GABRA3: variants seen among roughly 807,000 people sequenced by gnomAD.
GABRA3 encodes gamma-aminobutyric acid receptor subunit alpha-3.
A neutral mutation model predicts 30.1 loss-of-function variants in GABRA3; 10 were observed. That is an observed-to-expected ratio of 0.33 (90% confidence interval 0.20 to 0.56). The LOEUF is 0.56. Ranked by LOEUF, GABRA3 falls within the 20% of genes least tolerant of loss-of-function variation. The pLI is 0.89. For missense variants in GABRA3, 233 were observed against 392.0 expected (o/e 0.59, Z 3.42); for synonymous variants, 151 against 146.8 (o/e 1.03, Z -0.21).
At chrX:152,399,239 A>C (rs2124521158) in intron 1 of GABRA3, among the ~76,000 whole-genome samples, 1 of 111,780 alleles carries the variant, frequency 8.9e-6, no homozygotes, top group Admixed American at 9.5e-5. Flanking sequence ...GTTCTCAGAA[A>C]ATATTTTACA....
In GABRA3 at chrX:152,192,558, GTCT is replaced by G. The variant is rs1002838281; in HGVS notation, c.932-2620_932-2618del. Among the ~76,000 whole-genome samples, 3 of 110,880 alleles carry G rather than the reference GTCT, an allele frequency of 2.7e-5. No individual in the cohort carries two copies. The Admixed American group carries it at 2.9e-4, about 11-fold the overall frequency. Reference sequence around the variant, plus strand: ...TATTATTATTAATGTAGCTCTTATTGTCTTCTTTTCTCCAACACTGCTAACTGT... The same window carrying G: ...TATTATTATTAATGTAGCTCTTATTGTCTTTTCTCCAACACTGCTAACTGT... On this transcript the variant is annotated intron_variant, in intron 8 of 9. Coordinates refer to ENST00000370314, the MANE Select transcript of GABRA3 (RefSeq NM_000808.4).
intron 3 of GABRA3, among the ~76,000 whole-genome samples, chrX:152,301,514 A>G (rs937808936): frequency 9.0e-6 from 1 of 111,260 alleles, no homozygotes; most frequent in Non-Finnish European, 1.9e-5. Flanking sequence ...AAATATTACA[A>G]CCTTGTCCTA....
intron 1 of GABRA3, among the ~76,000 whole-genome samples, chrX:152,416,414 GA>G (rs1930220001): frequency 9.5e-6 from 1 of 104,962 alleles, no homozygotes; most frequent in Non-Finnish European, 2.0e-5. Flanking sequence ...TCATGGGTAG[GA>G]AGAATCAATA....
chrX:152,183,499 A>T lies in GABRA3; in HGVS notation c.1143+6231T>A, dbSNP rs1249787623. Among the ~76,000 whole-genome samples, 3 of 107,405 alleles carry T rather than the reference A, an allele frequency of 2.8e-5. No homozygotes were observed. In the East Asian group the frequency reaches 8.6e-4, roughly 31 times the overall value. The allele number at this position is 107,405 out of a possible 115,157, so 93.3% of individuals were successfully genotyped here. A position where few individuals can be genotyped will look rare whatever the true frequency, so the allele number is the denominator to read the frequency against. ...ATTTTGTTTATCTTTTGAAAAAAAA[A>T]CACATCTTAGTTTTAATGATCTTTT... On this transcript the variant is annotated intron_variant, in intron 9 of 9. Transcript: ENST00000370314.
chrX:152,214,229 G>T (rs1427602096), intron 6 of GABRA3, among the ~76,000 whole-genome samples: 2 of 111,257 alleles, frequency 1.8e-5, no homozygotes, highest in Non-Finnish European at 3.8e-5. Context: ...TTCCATCTAT[G>T]GTGCAGCAGA....
chrX:152,413,624 C>A (rs1226117688), intron 1 of GABRA3, among the ~76,000 whole-genome samples: 5 of 111,018 alleles, frequency 4.5e-5, no homozygotes, highest in Non-Finnish European at 7.6e-5. Flanking sequence ...AAACAACTTG[C>A]AGCAAACTAG....
chrX:152,360,558 GA>G (rs1222170800), intron 2 of GABRA3, among the ~76,000 whole-genome samples: 1 of 48,542 alleles, frequency 2.1e-5, no homozygotes, highest in African/African-American at 7.9e-5. Flanking sequence ...GGGGTCGGGG[GA>G]GGGGGGAGGG....
intron 5 of GABRA3, among the ~76,000 whole-genome samples, chrX:152,229,532 G>C (rs1938026874): frequency 9.0e-6 from 1 of 110,672 alleles, no homozygotes; most frequent in Non-Finnish European, 1.9e-5. Context: ...GAGAGAATGA[G>C]CCTTGTAGAA....
chrX:152,430,582 G>C (rs1341466685), intron 1 of GABRA3, among the ~76,000 whole-genome samples: 1 of 111,189 alleles, frequency 9.0e-6, no homozygotes, highest in African/African-American at 3.3e-5. Flanking sequence ...ATATCTTCAA[G>C]GAATAAAAGC....
intron 4 of GABRA3, among the ~76,000 whole-genome samples, chrX:152,269,956 C>A (rs1938898554): frequency 8.9e-6 from 1 of 111,860 alleles, no homozygotes; most frequent in Non-Finnish European, 1.9e-5. Flanking sequence ...ATATAAGACT[C>A]AAAAGCATGG....
intron 1 of GABRA3, among the ~76,000 whole-genome samples, chrX:152,433,175 A>G (rs1179609952): frequency 2.7e-5 from 3 of 110,904 alleles, no homozygotes; most frequent in Non-Finnish European, 5.7e-5. Context: ...AAAAACCTAG[A>G]GGAAATACCA....
intron 1 of GABRA3, among the ~76,000 whole-genome samples, chrX:152,375,380 G>A (rs759293079): frequency 8.9e-6 from 1 of 112,042 alleles, no homozygotes; most frequent in East Asian, 2.8e-4. Flanking sequence ...TGTATCTTAT[G>A]CATAATTGCT....
At chrX:152,219,245 C>T (rs757244046) in intron 6 of GABRA3, among the ~76,000 whole-genome samples, 37 of 110,549 alleles carry the variant, frequency 3.3e-4, no homozygotes, top group Non-Finnish European at 5.5e-4. Context: ...GTGGATGACA[C>T]CTAAATTAAA....
chrX:152,364,146 G>C (rs1928585955), intron 2 of GABRA3, among the ~76,000 whole-genome samples: 1 of 111,359 alleles, frequency 9.0e-6, no homozygotes, highest in Non-Finnish European at 1.9e-5. Flanking sequence ...GGAAAAGGTT[G>C]AAGATCTAAG....
intron 1 of GABRA3, among the ~76,000 whole-genome samples, chrX:152,405,017 G>A (rs1413998901): frequency 1.8e-5 from 2 of 108,772 alleles, no homozygotes; most frequent in Non-Finnish European, 3.8e-5. Context: ...TCATGTAAGA[G>A]ATCAAATTAT....
chrX:152,168,141 A>G lies in GABRA3; in HGVS notation c.*87T>C. 1.4e-6 allele frequency: 1 copy of G among 730,011 alleles called. No individual in the cohort carries two copies. Among genetic ancestry groups the G allele is most frequent in the Non-Finnish European group, 2.1e-6 (1 of 477,002 alleles). 60.2% of individuals were successfully genotyped at this position (730,011 alleles called of 1,213,427 possible). ...TAGAGGGGTAAAAAGGAGAATCCTG[A>G]AATACGCGAAGGGGAGCCCCGGGGT... On this transcript the variant is annotated 3_prime_UTR_variant, in exon 10 of 10. Coordinates refer to ENST00000370314, the MANE Select transcript of GABRA3 (RefSeq NM_000808.4).
At chrX:152,235,637 T>C (rs1938186506) in intron 5 of GABRA3, among the ~76,000 whole-genome samples, 1 of 111,754 alleles carries the variant, frequency 8.9e-6, no homozygotes, top group African/African-American at 3.2e-5. Context: ...GCTACAAAGA[T>C]ATGCTTGAGA....
At chrX:152,235,939 C>T (rs1267172430) in intron 5 of GABRA3, among the ~76,000 whole-genome samples, 1 of 102,786 alleles carries the variant, frequency 9.7e-6, no homozygotes, top group African/African-American at 3.6e-5. Context: ...AAGAACAAAG[C>T]ATTGCACTAT....
chrX:152,301,111 C>T (rs1413903169), intron 3 of GABRA3, among the ~76,000 whole-genome samples: 1 of 111,522 alleles, frequency 9.0e-6, no homozygotes, highest in Non-Finnish European at 1.9e-5. Context: ...AAAGAAAGAT[C>T]TTGAAAGAAG....
Sources: gnomAD v4.1 joint callset for allele counts (sites outside exome capture counted in the v4.1 genomes callset) on GRCh38, gnomAD v4.1.1 for gene constraint, MANE v1.5 for transcripts, NCBI Gene and HGNC (gene_info 2026-07-23, HGNC 2026-07-21) for gene names.